DPP10: variants seen among roughly 807,000 people sequenced by gnomAD.
DPP10 encodes dipeptidyl peptidase like 10, also known as inactive dipeptidyl peptidase 10.
Under a neutral mutation model 120.9 loss-of-function variants are expected in DPP10, and 33 were observed. That is an observed-to-expected ratio of 0.27 (90% confidence interval 0.21 to 0.37). The LOEUF (loss-of-function observed/expected upper bound fraction) is 0.37. Ranked by LOEUF, DPP10 falls within the 10% of genes least tolerant of loss-of-function variation. The probability of loss-of-function intolerance (pLI) is 1.00; values close to 1 mark genes in which losing one functional copy is unlikely to be tolerated. For synonymous variants in DPP10, 337 were observed against 326.1 expected, an observed-to-expected ratio of 1.03 and a Z score of -0.36; for missense variants, 816 against 942.8, an observed-to-expected ratio of 0.87 and a Z score of 1.76.
chr2:114,787,054 G>T (rs888173632), intron 1 of DPP10, among the ~76,000 whole-genome samples: 2 of 152,184 alleles, frequency 1.3e-5, no homozygotes, highest in African/African-American at 4.8e-5. Context: ...AGACAAAAAG[G>T]AGTGTCAGAT....
intron 1 of DPP10, among the ~76,000 whole-genome samples, chr2:114,706,937 GAAAT>G (rs1700721880): frequency 6.6e-6 from 1 of 151,748 alleles, no homozygotes. Context: ...AAGGAAATAA[GAAAT>G]AAATAATTTT....
chr2:115,809,929 C>T (rs940051472), intron 19 of DPP10, among the ~76,000 whole-genome samples: 2 of 152,052 alleles, frequency 1.3e-5, no homozygotes, highest in East Asian at 1.9e-4. Flanking sequence ...TTTGGGAGGC[C>T]GAGGCAGGCG....
At chr2:114,709,264 C>T (rs914815598) in intron 1 of DPP10, among the ~76,000 whole-genome samples, 12 of 152,236 alleles carry the variant, frequency 7.9e-5, no homozygotes, top group South Asian at 4.1e-4. Flanking sequence ...ACATCTCTTC[C>T]GTGATCTACC....
intron 1 of DPP10, among the ~76,000 whole-genome samples, chr2:114,839,626 G>C (rs11898423): frequency 0.071 from 10,754 of 152,116 alleles, 1,278 homozygotes; most frequent in African/African-American, 0.25. Context: ...CATATTCTTT[G>C]TTCTAAAACT....
rs374306466 is a variant in DPP10 at position 115,480,114 on chromosome 2, A to G, written c.272-19396A>G. 2.7e-4 allele frequency among the ~76,000 whole-genome samples: 41 copies of G among 152,200 alleles called. No homozygotes were observed. In the East Asian group the frequency reaches 7.0e-3, roughly 26 times the overall value. ...AGCAGCACCATCCCCTGGGGCAGCTATTAAAATTTTCACTTCCAAATTGTA... is the reference window on the plus strand; with the variant it reads ...AGCAGCACCATCCCCTGGGGCAGCTGTTAAAATTTTCACTTCCAAATTGTA... On this transcript the variant is annotated intron_variant, in intron 3 of 25. Transcript: ENST00000410059.
chr2:114,509,598 C>A (rs1332878428), intron 1 of DPP10, among the ~76,000 whole-genome samples: 1 of 152,214 alleles, frequency 6.6e-6, no homozygotes, highest in Non-Finnish European at 1.5e-5. Context: ...GGGCTCCATA[C>A]AGCTCCCCCA....
chr2:115,776,955 G>T (rs1575747924), intron 13 of DPP10, among the ~76,000 whole-genome samples: 1 of 151,830 alleles, frequency 6.6e-6, no homozygotes, highest in East Asian at 1.9e-4. Flanking sequence ...CCATCAACAT[G>T]GTATACTTGA....
intron 1 of DPP10, among the ~76,000 whole-genome samples, chr2:114,627,337 G>T (rs914730212): frequency 1.3e-5 from 2 of 152,104 alleles, no homozygotes; most frequent in African/African-American, 4.8e-5. Context: ...TTTTCAAGCA[G>T]TAGTTCCCTG....
chr2:115,810,988 C>T (rs1686582257), intron 19 of DPP10, among the ~76,000 whole-genome samples: 2 of 152,172 alleles, frequency 1.3e-5, no homozygotes, highest in African/African-American at 4.8e-5. Context: ...GTGGTTATCC[C>T]TAGCACCAAA....
chr2:115,288,138 A>G (rs577196656), intron 1 of DPP10, among the ~76,000 whole-genome samples: 1 of 152,246 alleles, frequency 6.6e-6, no homozygotes, highest in East Asian at 1.9e-4. Flanking sequence ...TTCCACCAGC[A>G]GTAGGTAAGT....
intron 1 of DPP10, among the ~76,000 whole-genome samples, chr2:114,885,065 C>T (rs1691948060): frequency 1.3e-5 from 2 of 152,180 alleles, no homozygotes; most frequent in Non-Finnish European, 2.9e-5. Flanking sequence ...TGGTATTTGG[C>T]TGTTCTCACA....
intron 1 of DPP10, among the ~76,000 whole-genome samples, chr2:115,023,616 C>T (rs1034451069): frequency 3.3e-5 from 5 of 152,064 alleles, no homozygotes; most frequent in African/African-American, 1.2e-4. Flanking sequence ...AGTAGATCTG[C>T]TGTTCGATCC....
intron 1 of DPP10, among the ~76,000 whole-genome samples, chr2:115,110,319 C>T (rs969781296): frequency 9.2e-5 from 14 of 152,178 alleles, no homozygotes; most frequent in Middle Eastern, 3.4e-3. Flanking sequence ...ACTTAGTCTC[C>T]GTGTTTTAGT....
At chr2:115,133,137 G>A (rs1248816374) in intron 1 of DPP10, among the ~76,000 whole-genome samples, 4 of 62,870 alleles carry the variant, frequency 6.4e-5, no homozygotes, top group African/African-American at 2.5e-4. Flanking sequence ...GTGTGTGTGT[G>A]TGTGTGTGTA....
At chr2:115,012,344 G>C (rs895262117) in intron 1 of DPP10, among the ~76,000 whole-genome samples, 1 of 152,124 alleles carries the variant, frequency 6.6e-6, no homozygotes, top group African/African-American at 2.4e-5. Context: ...ATGGGCTCTT[G>C]AGAGCACCAC....
intron 5 of DPP10, among the ~76,000 whole-genome samples, chr2:115,662,421 A>T (rs947112485): frequency 8.1e-4 from 109 of 135,198 alleles, no homozygotes; most frequent in Non-Finnish European, 2.0e-4. Flanking sequence ...CTCTATTTTT[A>T]TTTTTGTTTT....
chr2:115,434,842 C>T (rs572838728), intron 3 of DPP10, among the ~76,000 whole-genome samples: 5 of 151,860 alleles, frequency 3.3e-5, no homozygotes, highest in Admixed American at 2.0e-4. Context: ...CCCCAATACC[C>T]TTCCCAGCCT....
intron 8 of DPP10, among the ~76,000 whole-genome samples, chr2:115,730,321 TAAG>T (rs1484578923): frequency 2.0e-5 from 3 of 152,154 alleles, no homozygotes; most frequent in Non-Finnish European, 2.9e-5. Flanking sequence ...GGGTGAATGA[TAAG>T]AAGTCAAGGA....
At chr2:114,713,312 C>T (rs1574023697) in intron 1 of DPP10, among the ~76,000 whole-genome samples, 1 of 152,196 alleles carries the variant, frequency 6.6e-6, no homozygotes, top group African/African-American at 2.4e-5. Context: ...AATTCTGACG[C>T]AGTCTTTCAG....
Sources: gnomAD v4.1 joint callset for allele counts (sites outside exome capture counted in the v4.1 genomes callset) on GRCh38, gnomAD v4.1.1 for gene constraint, MANE v1.5 for transcripts, NCBI Gene and HGNC (gene_info 2026-07-23, HGNC 2026-07-21) for gene names.